The following PDZD2 variants were observed in gnomAD, a reference collection of about 807,000 sequenced individuals.
PDZD2 encodes PDZ domain-containing protein 2.
In PDZD2, 90 loss-of-function variants were observed where a neutral mutation model predicts 220.7. The ratio of observed to expected loss-of-function variants is 0.41; its 90% CI spans 0.34 to 0.49. PDZD2 has a LOEUF of 0.49. PDZD2 is among the 20% of genes least tolerant of loss of function. The pLI is 0.28. For missense variants in PDZD2, 3,174 were observed against 3,608.5 expected, an observed-to-expected ratio of 0.88 and a Z score of 3.08; for synonymous variants, 1,375 against 1,450.5, an observed-to-expected ratio of 0.95 and a Z score of 1.18.
chr5:31,765,822 G>C (rs1000086275), intron 1 of PDZD2, among the ~76,000 whole-genome samples: 2 of 152,126 alleles, frequency 1.3e-5, no homozygotes, highest in Non-Finnish European at 1.5e-5. Context: ...CAAGGTAGAC[G>C]AATCTTTGAA....
chr5:32,069,791 T>C (rs1304378208), intron 15 of PDZD2, 141 bp downstream of exon 15: 4 of 608,324 alleles, frequency 6.6e-6, no homozygotes, highest in Non-Finnish European at 1.2e-5. Flanking sequence ...CAGTCTATGC[T>C]TTCTCTTGGC....
At chr5:31,871,807 A>G (rs1473498597) in intron 2 of PDZD2, among the ~76,000 whole-genome samples, 1 of 151,616 alleles carries the variant, frequency 6.6e-6, no homozygotes, top group East Asian at 2.0e-4. Flanking sequence ...ACATAAATAC[A>G]GGGTTTTTTG....
intron 2 of PDZD2, among the ~76,000 whole-genome samples, chr5:31,832,831 G>C (rs908569523): frequency 6.6e-6 from 1 of 151,998 alleles, no homozygotes; most frequent in African/African-American, 2.4e-5. Context: ...AAATTAAAAT[G>C]GTCAATTTTA....
At chr5:31,817,926 A>C (rs567082048) in intron 2 of PDZD2, among the ~76,000 whole-genome samples, 2 of 149,984 alleles carry the variant, frequency 1.3e-5, no homozygotes, top group South Asian at 4.2e-4. Context: ...GGCCTCCCGA[A>C]GTACTGGGAT....
At chr5:31,952,428 T>TA (rs1430117242) in intron 2 of PDZD2, among the ~76,000 whole-genome samples, 5 of 152,218 alleles carry the variant, frequency 3.3e-5, no homozygotes, top group Non-Finnish European at 7.3e-5. Context: ...GGATGCTGAT[T>TA]ACAGCATAAA....
intron 2 of PDZD2, among the ~76,000 whole-genome samples, chr5:31,943,009 C>T (rs1173347547): frequency 1.3e-5 from 2 of 152,174 alleles, no homozygotes; most frequent in Non-Finnish European, 2.9e-5. Context: ...TCGAGACCAG[C>T]CTGGCCAACA....
chr5:31,983,381 A>G lies in PDZD2; in HGVS notation c.703A>G (p.Lys235Glu), dbSNP rs1750455415. Residue 235 changes from lysine to glutamate, a missense_variant, in exon 3 of 25, where the codon AAG becomes GAG. This residue lies in a region of PDZD2 where 632 missense variants were observed against 708.1 expected (regional missense o/e 0.89). Coordinates refer to ENST00000438447, the MANE Select transcript of PDZD2 (RefSeq NM_178140.4). Reference protein sequence around the residue: ...PPANKAPEESKGSAGCEVSSD... With the variant: ...PPANKAPEESEGSAGCEVSSD... ...TGCCAACAAGGCCCCTGAAGAATCC[A>G]AGGGCAGCGCTGGCTGTGAGGTGTC... 1 of 1,614,220 alleles carries G rather than the reference A, an allele frequency of 6.2e-7. No homozygotes were observed. Among genetic ancestry groups the G allele is most frequent in the Non-Finnish European group, 8.5e-7 (1 of 1,180,030 alleles).
chr5:32,072,706 A>G (rs1581424270), intron 17 of PDZD2, among the ~76,000 whole-genome samples: 1 of 152,166 alleles, frequency 6.6e-6, no homozygotes, highest in African/African-American at 2.4e-5. Flanking sequence ...ACAATGCTGT[A>G]CCCTGAGAGT....
chr5:31,646,247 A>G lies in PDZD2; in HGVS notation c.-361+6810A>G, dbSNP rs547195176. 6.6e-6 allele frequency among the ~76,000 whole-genome samples: 1 copy of G among 152,158 alleles called. No homozygotes were observed. The highest frequency in any genetic ancestry group is 2.1e-4 in the South Asian group (1 of 4,806). ...ATTCCAGAAGACTCTGTTTCTGGAGACTGGAGAGGCAAGTGTATTTTGGGG... is the reference window on the plus strand; with the variant it reads ...ATTCCAGAAGACTCTGTTTCTGGAGGCTGGAGAGGCAAGTGTATTTTGGGG... On this transcript the variant is annotated intron_variant, in intron 1 of 24. Transcript: ENST00000438447. The surrounding 1 kb of genome is among the most constrained non-coding windows in gnomAD (Gnocchi z 4.7).
At chr5:31,763,481 C>T (rs926096180) in intron 1 of PDZD2, among the ~76,000 whole-genome samples, 13 of 151,918 alleles carry the variant, frequency 8.6e-5, no homozygotes, top group South Asian at 2.1e-4. Flanking sequence ...ATGATGTTTA[C>T]GAGCCACAAT....
At chr5:31,929,262 C>G (rs978695735) in intron 2 of PDZD2, among the ~76,000 whole-genome samples, 14 of 152,200 alleles carry the variant, frequency 9.2e-5, no homozygotes, top group Non-Finnish European at 1.6e-4. Flanking sequence ...AGCATTTATG[C>G]TTGCAGCCCA....
chr5:31,855,078 G>A (rs1240597810), intron 2 of PDZD2: 6 of 985,254 alleles, frequency 6.1e-6, no homozygotes, highest in Admixed American at 6.1e-5. Flanking sequence ...GACCGGCCTG[G>A]CGAGCGGATT....
intron 2 of PDZD2, among the ~76,000 whole-genome samples, chr5:31,820,358 G>C (rs10085101): frequency 0.45 from 67,816 of 151,890 alleles, 15,319 homozygotes; most frequent in Non-Finnish European, 0.49. Flanking sequence ...AGCTCTCCAT[G>C]TTTTTACATA....
intron 1 of PDZD2, chr5:31,747,957 A>T (rs994499995): frequency 6.6e-6 from 1 of 152,212 alleles, no homozygotes; most frequent in Admixed American, 6.5e-5. Flanking sequence ...TCTCTGTTAA[A>T]ACTCTGGATC....
chr5:31,938,277 C>T (rs564982176), intron 2 of PDZD2, among the ~76,000 whole-genome samples: 66 of 152,284 alleles, frequency 4.3e-4, no homozygotes, highest in African/African-American at 1.4e-3. Flanking sequence ...GTTGATGCAG[C>T]AAGTTAAGCC....
chr5:32,011,989 C>T (rs1159116365), intron 6 of PDZD2, among the ~76,000 whole-genome samples: 1 of 152,136 alleles, frequency 6.6e-6, no homozygotes, highest in Non-Finnish European at 1.5e-5. Flanking sequence ...CGGCAGTTAC[C>T]CTCTGCTCCT....
chr5:31,644,219 A>G (rs574495616), intron 1 of PDZD2, among the ~76,000 whole-genome samples: 242 of 152,224 alleles, frequency 1.6e-3, no homozygotes, highest in Non-Finnish European at 3.2e-3. Flanking sequence ...ATTTGGACCT[A>G]TGCATCGGTT....
intron 1 of PDZD2, among the ~76,000 whole-genome samples, chr5:31,765,624 C>G (rs1751953863): frequency 6.6e-6 from 1 of 152,070 alleles, no homozygotes; most frequent in Non-Finnish European, 1.5e-5. Context: ...TAGTTGTCCC[C>G]AAACCATCTC....
rs569915558 is a variant in PDZD2, at chr5:32,072,149, C to A, written c.2569-12C>A. 1.8e-5 allele frequency: 28 copies of A among 1,592,800 alleles called. 1 individual carries two copies. The South Asian group carries it at 2.8e-4, about 16-fold the overall frequency. On this transcript the variant is annotated splice_polypyrimidine_tract_variant and intron_variant, in intron 16 of 24. Transcript: ENST00000438447. ...TGTTTTCTTAGTTATCGGATGTTTT[C>A]TTCTTCAACAGGACTCCCTTATTTC...
Sources: gnomAD v4.1 joint callset for allele counts (sites outside exome capture counted in the v4.1 genomes callset) on GRCh38, gnomAD v4.1.1 for gene constraint, gnomAD v4.1.1 regional missense constraint, Gnocchi (gnomAD v3.1) non-coding constraint, MANE v1.5 for transcripts, NCBI Gene and HGNC (gene_info 2026-07-23, HGNC 2026-07-21) for gene names.